Variants in VPS41 observed in about 807,000 individuals in gnomAD.
VPS41 encodes VPS41 subunit of HOPS complex, also known as vacuolar protein sorting-associated protein 41 homolog.
In VPS41, 85 loss-of-function variants were observed where a neutral mutation model predicts 130.9. That is an observed-to-expected ratio of 0.65 (90% CI 0.55 to 0.78). The LOEUF is 0.78. Among genes scored for constraint, VPS41 ranks in the 30% least tolerant of loss-of-function variants. The pLI, the probability that VPS41 is intolerant of heterozygous loss-of-function variation, is 0.00. For synonymous variants in VPS41, 335 were observed against 332.9 expected (o/e 1.01, Z -0.07); for missense variants, 874 against 1,018.7 (o/e 0.86, Z 1.93).
At chr7:38,736,757 TGAG>T (rs1200985295) in intron 25 of VPS41, among the ~76,000 whole-genome samples, 1 of 152,190 alleles carries the variant, frequency 6.6e-6, no homozygotes, top group African/African-American at 2.4e-5. Context: ...GAAAGGAGGA[TGAG>T]AATCATAATT....
rs577396139 is a variant in VPS41 at position 38,783,740 on chromosome 7, T to TA, written c.784+6060dup. ...GAGAAAACAACCTCTTCGTTTCATTTAAAAAAAAAACTGTTTAAAACCCTA... is the reference window on the plus strand; with the variant it reads ...GAGAAAACAACCTCTTCGTTTCATTTAAAAAAAAAAACTGTTTAAAACCCTA... On this transcript the variant is annotated intron_variant, in intron 10 of 28. Transcript: ENST00000310301. 1.1e-3 allele frequency among the ~76,000 whole-genome samples: 158 copies of TA among 148,800 alleles called. 1 individual carries two copies. Among genetic ancestry groups the TA allele is most frequent in the African/African-American group, 2.8e-3 (113 of 40,612 alleles).
chr7:38,790,938 T>C (rs1784524885), intron 9 of VPS41, among the ~76,000 whole-genome samples: 1 of 152,252 alleles, frequency 6.6e-6, no homozygotes, highest in Non-Finnish European at 1.5e-5. Context: ...GAAGTAGAAT[T>C]GATACCAATG....
intron 25 of VPS41, among the ~76,000 whole-genome samples, chr7:38,731,710 G>A (rs979874515): frequency 6.6e-6 from 1 of 151,986 alleles, no homozygotes; most frequent in Non-Finnish European, 1.5e-5. Context: ...GAATGGCACT[G>A]AGCACTGCTG....
At chr7:38,773,045 A>T (rs560207464) in intron 12 of VPS41, among the ~76,000 whole-genome samples, 2 of 152,306 alleles carry the variant, frequency 1.3e-5, no homozygotes, top group East Asian at 3.9e-4. Context: ...TACTGTATAT[A>T]AATTTTATTT....
chr7:38,864,194 C>A (rs905540906), intron 3 of VPS41, among the ~76,000 whole-genome samples: 1 of 152,154 alleles, frequency 6.6e-6, no homozygotes, highest in East Asian at 1.9e-4. Flanking sequence ...GAGCTTGGAT[C>A]TTTAAAACGC....
chr7:38,897,137 T>C (rs1307184100), intron 2 of VPS41, among the ~76,000 whole-genome samples: 2 of 138,266 alleles, frequency 1.4e-5, no homozygotes, highest in Non-Finnish European at 3.0e-5. Context: ...GAGGTTATAG[T>C]GAGCCCAGAC....
At chr7:38,868,574 T>C (rs1225229867) in intron 3 of VPS41, among the ~76,000 whole-genome samples, 1 of 152,134 alleles carries the variant, frequency 6.6e-6, no homozygotes, top group Non-Finnish European at 1.5e-5. Context: ...ACTGTTTTGG[T>C]CCAAGAATAG....
intron 4 of VPS41, among the ~76,000 whole-genome samples, chr7:38,862,001 TC>T (rs1393005755): frequency 6.6e-6 from 1 of 152,232 alleles, no homozygotes; most frequent in Non-Finnish European, 1.5e-5. Flanking sequence ...CAATCAATTT[TC>T]AATTACATTT....
In VPS41 at chr7:38,850,587, G is replaced by A. The variant is rs968188955; in HGVS notation, c.246+11958C>T. On this transcript the variant is annotated intron_variant, in intron 4 of 28. Transcript: ENST00000310301. The stretch of plus-strand genomic sequence containing the variant: ...GTCAATGTCTCCCTAAAAGCAAATC[G>A]TAGTATTTCATTTAATAATAGGAAG... 6.4e-4 allele frequency among the ~76,000 whole-genome samples: 98 copies of A among 152,108 alleles called. 1 individual carries two copies. The highest frequency in any genetic ancestry group is 6.0e-3 in the Admixed American group (92 of 15,274).
At chr7:38,765,178 T>G (rs1162403655) in intron 16 of VPS41, among the ~76,000 whole-genome samples, 1 of 152,144 alleles carries the variant, frequency 6.6e-6, no homozygotes, top group East Asian at 1.9e-4. Context: ...TAGAGCTAGG[T>G]GGTCAATTTT....
At chr7:38,811,379 A>G (rs1784939309) in intron 7 of VPS41, among the ~76,000 whole-genome samples, 1 of 152,062 alleles carries the variant, frequency 6.6e-6, no homozygotes, top group African/African-American at 2.4e-5. Context: ...TATCAAGAAA[A>G]TGGTACTTTT....
chr7:38,813,217 C>T (rs1584408149), intron 7 of VPS41, among the ~76,000 whole-genome samples: 1 of 152,012 alleles, frequency 6.6e-6, no homozygotes, highest in African/African-American at 2.4e-5. Flanking sequence ...GGATACATGC[C>T]ACAACATTGA....
chr7:38,726,938 G>T lies in VPS41; in HGVS notation c.2455C>A (p.His819Asn). The T allele has an allele frequency of 6.3e-7, 1 of 1,589,420 alleles. No homozygotes were observed. Among genetic ancestry groups the T allele is most frequent in the South Asian group, 1.1e-5 (1 of 87,626 alleles). The part of the protein sequence containing the change: ...VVVFHCRHMF[H>N]KECLPMPSMN... ...CTGGGCATGGGCAGGCACTCCTTGT[G>T]GAACATGTGCCGGCAATGGAAGACC... is the stretch of plus-strand genomic sequence containing the variant. The change falls in exon 28 of 29, where the codon CAC becomes AAC. Residue 819 changes from histidine to asparagine, a missense_variant. Physicochemically the swap from His to Asn is moderately conservative, Grantham distance 68 (BLOSUM62 1). Transcript: ENST00000310301.
chr7:38,738,594 A>G (rs1443007477), intron 25 of VPS41, among the ~76,000 whole-genome samples: 1 of 152,266 alleles, frequency 6.6e-6, no homozygotes, highest in Non-Finnish European at 1.5e-5. Context: ...TAAAAACATT[A>G]GAAATTTGTA....
intron 25 of VPS41, among the ~76,000 whole-genome samples, chr7:38,739,191 A>T (rs1209245266): frequency 6.6e-6 from 1 of 152,148 alleles, no homozygotes; most frequent in Non-Finnish European, 1.5e-5. Context: ...CTGACCATAG[A>T]TCCCTACATT....
intron 11 of VPS41, among the ~76,000 whole-genome samples, chr7:38,775,860 C>T (rs1188610349): frequency 6.6e-6 from 1 of 151,900 alleles, no homozygotes; most frequent in Non-Finnish European, 1.5e-5. Flanking sequence ...AAGGATAGTC[C>T]ACTTGCCTAC....
At chr7:38,729,983 T>C (rs1234868254) in intron 25 of VPS41, among the ~76,000 whole-genome samples, 1 of 152,216 alleles carries the variant, frequency 6.6e-6, no homozygotes, top group Non-Finnish European at 1.5e-5. Flanking sequence ...ACTCAAGGCC[T>C]GAAGGACAGA....
chr7:38,896,298 T>A (rs1786990445), intron 2 of VPS41, among the ~76,000 whole-genome samples: 1 of 152,182 alleles, frequency 6.6e-6, no homozygotes, highest in Admixed American at 6.5e-5. Flanking sequence ...CCTAAAATGC[T>A]TTTCAATACT....
At chr7:38,764,113 G>C (rs1236211329) in intron 16 of VPS41, among the ~76,000 whole-genome samples, 1 of 152,134 alleles carries the variant, frequency 6.6e-6, no homozygotes, top group Non-Finnish European at 1.5e-5. Flanking sequence ...CATCCCCAAG[G>C]AGCTCACAAG....
Sources: allele counts gnomAD v4.1 joint callset (sites outside exome capture counted in the v4.1 genomes callset), GRCh38; gene constraint gnomAD v4.1.1; transcripts MANE v1.5; gene names NCBI Gene and HGNC (gene_info 2026-07-23, HGNC 2026-07-21).